Variants in NOL4 observed in about 807,000 individuals in gnomAD.
The protein encoded by NOL4 is nucleolar protein 4.
Under a neutral mutation model 75.9 loss-of-function variants are expected in NOL4, and 17 were observed. The ratio of observed to expected loss-of-function variants is 0.22; its 90% CI spans 0.15 to 0.34. The LOEUF (loss-of-function observed/expected upper bound fraction) is 0.34, where lower values mean the gene tolerates loss of function less well. Ranked by LOEUF, NOL4 falls within the 10% of genes least tolerant of loss-of-function variation. The pLI, the probability that NOL4 is intolerant of heterozygous loss-of-function variation, is 1.00. For missense variants in NOL4, 614 were observed against 793.5 expected (o/e 0.77, Z 2.72); for synonymous variants, 292 against 289.9 (o/e 1.01, Z -0.07).
chr18:33,993,143 CCAT>C (rs1307777211), intron 6 of NOL4, among the ~76,000 whole-genome samples: 2 of 151,962 alleles, frequency 1.3e-5, no homozygotes, highest in African/African-American at 4.8e-5. Flanking sequence ...ACATTGGTAA[CCAT>C]TCCTTCAAAG....
chr18:34,103,297 G>A (rs897871946), intron 4 of NOL4, among the ~76,000 whole-genome samples: 4 of 151,918 alleles, frequency 2.6e-5, no homozygotes, highest in Non-Finnish European at 4.4e-5. Context: ...AGCACCTATT[G>A]TATATCTGCT....
intron 6 of NOL4, among the ~76,000 whole-genome samples, chr18:33,996,344 A>G (rs2073284030): frequency 6.6e-6 from 1 of 151,892 alleles, no homozygotes; most frequent in African/African-American, 2.4e-5. Context: ...TACAAAAATC[A>G]ATAGTATTTC....
chr18:34,155,931 G>A (rs2030308918), intron 1 of NOL4, among the ~76,000 whole-genome samples: 1 of 152,044 alleles, frequency 6.6e-6, no homozygotes, highest in Non-Finnish European at 1.5e-5. Context: ...ATTTAATGCA[G>A]GCTCAAAGAA....
At chr18:33,958,750 G>A (rs1173564412) in intron 6 of NOL4, among the ~76,000 whole-genome samples, 7 of 151,962 alleles carry the variant, frequency 4.6e-5, no homozygotes, top group Non-Finnish European at 7.4e-5. Context: ...ATCTGTAATC[G>A]ATTTTGCAAG....
chr18:33,958,312 T>C lies in NOL4; in HGVS notation c.1163A>G (p.His388Arg), dbSNP rs1192627508. 3 of 1,613,860 alleles carry C rather than the reference T, an allele frequency of 1.9e-6. No individual in the cohort carries two copies. The highest frequency in any genetic ancestry group is 2.5e-6 in the Non-Finnish European group (3 of 1,179,802). The change falls in exon 7 of 11, where the codon CAC (histidine) becomes CGC (arginine). Residue 388 changes from histidine (H) to arginine (R), a missense_variant. By Grantham distance (29) the His-to-Arg change is conservative. Transcript: ENST00000261592. ...TTTCTCCGAATCGTCATGGTCCTCG[T>C]GGTCATCTTCGTCCTCATCTCCCCT... Reference protein sequence around the residue: ...LNRGDEDEDDHEDHDDSEKVN... With the variant: ...LNRGDEDEDDREDHDDSEKVN...
At chr18:33,874,049 G>T (rs1421375757) in intron 10 of NOL4, among the ~76,000 whole-genome samples, 1 of 151,906 alleles carries the variant, frequency 6.6e-6, no homozygotes, top group African/African-American at 2.4e-5. Flanking sequence ...AGATTTCTCT[G>T]GATGTCTAGA....
intron 10 of NOL4, among the ~76,000 whole-genome samples, chr18:33,855,124 C>T (rs1402172917): frequency 2.0e-5 from 3 of 152,000 alleles, no homozygotes; most frequent in South Asian, 2.1e-4. Flanking sequence ...AAACCAAAAC[C>T]ATAAGGAGTC....
chr18:34,183,744 C>G (rs1280584565), intron 1 of NOL4: 1 of 151,862 alleles, frequency 6.6e-6, no homozygotes, highest in Non-Finnish European at 1.5e-5. Flanking sequence ...TTCCACAGTT[C>G]CACTCATATA....
At chr18:34,014,881 A>C (rs1393241667) in intron 6 of NOL4, among the ~76,000 whole-genome samples, 1 of 152,056 alleles carries the variant, frequency 6.6e-6, no homozygotes, top group Admixed American at 6.6e-5. Flanking sequence ...AAGCACTTCT[A>C]TTCACTGTTC....
At chr18:33,896,098 G>A (rs2065387778) in intron 9 of NOL4, among the ~76,000 whole-genome samples, 1 of 151,864 alleles carries the variant, frequency 6.6e-6, no homozygotes, top group Non-Finnish European at 1.5e-5. Context: ...TAACGAGGGA[G>A]GTGAAAAATC....
chr18:34,060,422 T>C (rs2077023593), intron 5 of NOL4, among the ~76,000 whole-genome samples: 3 of 152,248 alleles, frequency 2.0e-5, no homozygotes, highest in Non-Finnish European at 4.4e-5. Flanking sequence ...CTTATTTACA[T>C]ATCCCAACCA....
At position 33,958,364 on chromosome 18, in the gene NOL4, G is replaced by T; in HGVS notation, c.1111C>A (p.Arg371=). Reference sequence around the variant, plus strand: ...TTTAGTGAGAGGTCCTCAGCTCCTCGGTCTACACTCTCATTTTTGCCAGAG... The same window carrying T: ...TTTAGTGAGAGGTCCTCAGCTCCTCTGTCTACACTCTCATTTTTGCCAGAG... ...YDSGKNESVD[R]GAEDLSLNRG... Residue 371 remains arginine, a synonymous_variant, in exon 7 of 11, where the codon CGA becomes AGA. Coordinates refer to ENST00000261592, the MANE Select transcript of NOL4 (RefSeq NM_003787.5). The T allele has an allele frequency of 2.5e-6, 4 of 1,613,574 alleles. No individual in the cohort carries two copies. The highest frequency in any genetic ancestry group is 2.5e-6 in the Non-Finnish European group (3 of 1,179,682).
At chr18:34,171,756 A>G (rs1380647510) in intron 1 of NOL4, among the ~76,000 whole-genome samples, 2 of 152,176 alleles carry the variant, frequency 1.3e-5, no homozygotes. Context: ...TCACTCAGGA[A>G]AGTCAGAAAC....
At chr18:34,052,823 A>G (rs1050678273) in intron 5 of NOL4, among the ~76,000 whole-genome samples, 17 of 152,074 alleles carry the variant, frequency 1.1e-4, no homozygotes, top group East Asian at 3.9e-4. Context: ...ATGAAATCAT[A>G]TAACAAGCAT....
At chr18:33,981,905 G>T (rs909379825) in intron 6 of NOL4, among the ~76,000 whole-genome samples, 8 of 152,084 alleles carry the variant, frequency 5.3e-5, no homozygotes, top group African/African-American at 1.9e-4. Context: ...CATAAGAGAA[G>T]TGAGGGAAGA....
At chr18:34,222,374 C>T (rs1488519664) in intron 1 of NOL4, 3 of 1,198,928 alleles carry the variant, frequency 2.5e-6, no homozygotes, top group Non-Finnish European at 3.1e-6. Context: ...TCTCCAGGAC[C>T]TTATCTACAA....
At chr18:33,897,064 G>C (rs1334822506) in intron 9 of NOL4, among the ~76,000 whole-genome samples, 1 of 152,130 alleles carries the variant, frequency 6.6e-6, no homozygotes, top group Non-Finnish European at 1.5e-5. Flanking sequence ...ACCACAGTGA[G>C]ATACCACCTC....
At chr18:34,159,267 C>G (rs894089438) in intron 1 of NOL4, among the ~76,000 whole-genome samples, 15 of 152,194 alleles carry the variant, frequency 9.9e-5, no homozygotes, top group Non-Finnish European at 2.2e-4. Flanking sequence ...GTGCTCCCAA[C>G]CCGCGACCCT....
At chr18:33,986,696 T>C (rs1277837960) in intron 6 of NOL4, among the ~76,000 whole-genome samples, 2 of 152,098 alleles carry the variant, frequency 1.3e-5, no homozygotes, top group African/African-American at 4.8e-5. Flanking sequence ...ATATAGCCAC[T>C]TTGACAATCA....
Sources: allele counts gnomAD v4.1 joint callset (sites outside exome capture counted in the v4.1 genomes callset), GRCh38; gene constraint gnomAD v4.1.1; transcripts MANE v1.5; gene names NCBI Gene and HGNC (gene_info 2026-07-23, HGNC 2026-07-21).